The following CREB5 variants were observed in gnomAD, a reference collection of about 807,000 sequenced individuals.
CREB5 encodes cAMP responsive element binding protein 5.
In CREB5, 19 loss-of-function variants were observed where a neutral mutation model predicts 57.1. That is an observed-to-expected ratio of 0.33 (90% CI 0.23 to 0.49). CREB5 has a LOEUF of 0.49. Among genes scored for constraint, CREB5 ranks in the 20% least tolerant of loss-of-function variants. The pLI, the probability that CREB5 is intolerant of heterozygous loss-of-function variation, is 0.99. For missense variants in CREB5, 579 were observed against 671.6 expected (o/e 0.86, Z 1.52); for synonymous variants, 238 against 238.3 (o/e 1.00, Z 0.01).
chr7:28,554,517 C>A (rs1032338271), intron 4 of CREB5, among the ~76,000 whole-genome samples: 1 of 152,224 alleles, frequency 6.6e-6, no homozygotes, highest in African/African-American at 2.4e-5. Flanking sequence ...ACTGCCTTGG[C>A]TTCCTCTGTG....
At position 28,821,495 on chromosome 7, in the gene CREB5, A is replaced by G. The variant is rs978354613; in HGVS notation, c.*2216A>G. ...AAAGCAAAAAAAGAAAAGAGAAAAA[A>G]AGAAAAAATGCAAATGGAATAATTT... On this transcript the variant is annotated 3_prime_UTR_variant, in exon 11 of 11. Coordinates refer to ENST00000357727, the MANE Select transcript of CREB5 (RefSeq NM_182898.4). 11 of 151,786 alleles carry G rather than the reference A, an allele frequency of 7.2e-5. No homozygotes were observed. Among genetic ancestry groups the G allele is most frequent in the African/African-American group, 2.7e-4 (11 of 41,400 alleles). 9.4% of individuals were successfully genotyped at this position (151,786 alleles called of 1,614,324 possible). A position where few individuals can be genotyped will look rare whatever the true frequency, so the allele number is the denominator to read the frequency against.
intron 1 of CREB5, among the ~76,000 whole-genome samples, chr7:28,413,299 C>A (rs1362002002): frequency 1.3e-5 from 2 of 151,624 alleles, no homozygotes; most frequent in African/African-American, 2.4e-5. Flanking sequence ...GAAAAAGAAA[C>A]CTAAAAATTA....
intron 5 of CREB5, among the ~76,000 whole-genome samples, chr7:28,673,351 T>C (rs1800143936): frequency 6.6e-6 from 1 of 152,160 alleles, no homozygotes; most frequent in Non-Finnish European, 1.5e-5. Context: ...AGAAAGCATC[T>C]GCTCCTATTG....
chr7:28,468,554 A>G (rs1019599398), intron 1 of CREB5, among the ~76,000 whole-genome samples: 1 of 152,134 alleles, frequency 6.6e-6, no homozygotes, highest in Non-Finnish European at 1.5e-5. Flanking sequence ...AGAGTGGGGG[A>G]AGGAGGTGCT....
At chr7:28,479,538 T>G (rs952861293) in intron 1 of CREB5, among the ~76,000 whole-genome samples, 3 of 152,186 alleles carry the variant, frequency 2.0e-5, no homozygotes, top group African/African-American at 7.2e-5. Context: ...AGTGACCTCC[T>G]AGTACTGTCA....
chr7:28,760,159 C>T (rs555607123), intron 7 of CREB5, among the ~76,000 whole-genome samples: 17 of 152,286 alleles, frequency 1.1e-4, no homozygotes, highest in African/African-American at 3.6e-4. Context: ...TTGTTGATTT[C>T]CCAACTCTGC....
chr7:28,751,300 C>T (rs1313356024), intron 7 of CREB5, among the ~76,000 whole-genome samples: 2 of 152,212 alleles, frequency 1.3e-5, no homozygotes, highest in Non-Finnish European at 2.9e-5. Context: ...GGCCACAGCT[C>T]TGCTGGAAGG....
chr7:28,472,677 C>G (rs145027114), intron 1 of CREB5, among the ~76,000 whole-genome samples: 70 of 152,238 alleles, frequency 4.6e-4, no homozygotes, highest in Middle Eastern at 6.8e-3. Flanking sequence ...TCCTGAGATG[C>G]CTTTAACCCT....
At chr7:28,679,998 T>C (rs1310445702) in intron 5 of CREB5, among the ~76,000 whole-genome samples, 2 of 151,030 alleles carry the variant, frequency 1.3e-5, no homozygotes, top group African/African-American at 4.9e-5. Flanking sequence ...ACCCTACCCA[T>C]GCTCATGAGT....
chr7:28,403,106 T>C (rs1164253619), intron 1 of CREB5, among the ~76,000 whole-genome samples: 1 of 152,110 alleles, frequency 6.6e-6, no homozygotes, highest in African/African-American at 2.4e-5. Flanking sequence ...ACTGGAAGGG[T>C]AAAGTGTGAT....
chr7:28,324,220 A>G (rs760132484), intron 1 of CREB5, among the ~76,000 whole-genome samples: 12 of 152,050 alleles, frequency 7.9e-5, no homozygotes, highest in Non-Finnish European at 1.3e-4. Context: ...ACCTTACATG[A>G]TCCCATTTTA....
At chr7:28,710,245 A>G (rs1802336050) in intron 5 of CREB5, among the ~76,000 whole-genome samples, 1 of 152,194 alleles carries the variant, frequency 6.6e-6, no homozygotes, top group South Asian at 2.1e-4. Flanking sequence ...TGACTTGTAA[A>G]TCAATTAATT....
At chr7:28,653,215 C>A (rs1246865104) in intron 5 of CREB5, among the ~76,000 whole-genome samples, 1 of 152,130 alleles carries the variant, frequency 6.6e-6, no homozygotes, top group Non-Finnish European at 1.5e-5. Flanking sequence ...ATTATAGCTA[C>A]CATTTGAAAA....
At chr7:28,418,603 A>G (rs1246364555) in intron 1 of CREB5, among the ~76,000 whole-genome samples, 1 of 152,216 alleles carries the variant, frequency 6.6e-6, no homozygotes, top group African/African-American at 2.4e-5. Context: ...CATGACTATA[A>G]ACTAGTTTTA....
chr7:28,460,906 A>T (rs534665709), intron 1 of CREB5, among the ~76,000 whole-genome samples: 1 of 151,804 alleles, frequency 6.6e-6, no homozygotes, highest in African/African-American at 2.4e-5. Context: ...AGAGATGTGG[A>T]TCTTATGGGG....
intron 1 of CREB5, among the ~76,000 whole-genome samples, chr7:28,417,345 TTC>T (rs1312888585): frequency 7.0e-6 from 1 of 142,148 alleles, no homozygotes; most frequent in East Asian, 2.0e-4. Flanking sequence ...CATTCTCTCT[TTC>T]TCTCTCTTTT....
rs199955594 is a variant in CREB5 at position 28,644,801 on chromosome 7, AT to A, written c.465-73948del. On this transcript the variant is annotated intron_variant, in intron 5 of 10. Coordinates refer to ENST00000357727, the MANE Select transcript of CREB5 (RefSeq NM_182898.4). ...AGCATTAAGGTTTTTTATTATTATTATTTTCAAAGAGCTAGTTAGTTTTGTT... is the reference window on the plus strand; with the variant it reads ...AGCATTAAGGTTTTTTATTATTATTATTTCAAAGAGCTAGTTAGTTTTGTT... Among the ~76,000 whole-genome samples the A allele has an allele frequency of 7.5e-3, 1,134 of 152,192 alleles. 28 individuals are homozygous for A. The highest frequency in any genetic ancestry group is 7.6e-3 in the Non-Finnish European group (520 of 67,990).
chr7:28,601,762 C>A (rs528294078), intron 5 of CREB5, among the ~76,000 whole-genome samples: 7 of 152,116 alleles, frequency 4.6e-5, no homozygotes, highest in Middle Eastern at 3.2e-3. Flanking sequence ...CAGATCAAAA[C>A]CACTCAGCAG....
chr7:28,301,419 A>T (rs1178380592), intron 1 of CREB5, among the ~76,000 whole-genome samples: 1 of 152,058 alleles, frequency 6.6e-6, no homozygotes, highest in Non-Finnish European at 1.5e-5. Context: ...TCTTGTTATT[A>T]TACATGCAGA....
Sources: gnomAD v4.1 joint callset for allele counts (sites outside exome capture counted in the v4.1 genomes callset) on GRCh38, gnomAD v4.1.1 for gene constraint, MANE v1.5 for transcripts, NCBI Gene and HGNC (gene_info 2026-07-23, HGNC 2026-07-21) for gene names.